STAG1: variants seen among roughly 807,000 people sequenced by gnomAD.
STAG1 encodes the protein STAG1 cohesin complex component, also known as cohesin subunit SA-1.
Under a neutral mutation model 170.9 loss-of-function variants are expected in STAG1, and 26 were observed. The ratio of observed to expected loss-of-function variants is 0.15; its 90% CI spans 0.11 to 0.21. The LOEUF is 0.21. Ranked by LOEUF, STAG1 falls within the 10% of genes least tolerant of loss-of-function variation. STAG1 has a pLI of 1.00. For missense variants in STAG1, 964 were observed against 1,509.5 expected (o/e 0.64, Z 5.99); for synonymous variants, 514 against 497.7 (o/e 1.03, Z -0.44).
chr3:136,464,928 C>T lies in STAG1; in HGVS notation c.1266G>A (p.Ser422=), dbSNP rs765164966. Residue 422 remains serine (S), a synonymous_variant, in exon 13 of 34, where the codon TCG becomes TCA. Transcript: ENST00000383202. The stretch of plus-strand genomic sequence containing the variant: ...CTGCCACAGCAACAGGGCGATGTGC[C>T]GAGTACACCAAGTGGTAAACATTTT... ...DCENVYHLVY[S]AHRPVAVAAG... The T allele has an allele frequency of 6.2e-6, 10 of 1,612,664 alleles. No homozygotes were observed. Among genetic ancestry groups the T allele is most frequent in the South Asian group, 1.1e-5 (1 of 90,568 alleles).
At chr3:136,577,936 G>C (rs1937513661) in intron 4 of STAG1, among the ~76,000 whole-genome samples, 1 of 152,174 alleles carries the variant, frequency 6.6e-6, no homozygotes, top group Non-Finnish European at 1.5e-5. Flanking sequence ...TGCACTGAAA[G>C]CTGGATTTAA....
At position 136,363,384 on chromosome 3, in the gene STAG1, G is replaced by C. The variant is rs760379296; in HGVS notation, c.2769C>G (p.Leu923=). 20 of 1,597,356 alleles carry C rather than the reference G, an allele frequency of 1.3e-5. No homozygotes were observed. The South Asian group carries it at 2.2e-4, about 18-fold the overall frequency. The change falls in exon 26 of 34, where the codon CTC becomes CTG. Residue 923 remains leucine (L), a synonymous_variant. Transcript: ENST00000383202. ...TTCTTACCTGTTGCAAACTGAGAAT[G>C]AGAGTCTTGGCACACTGAATTTTAT... The part of the protein sequence containing the change: ...QIDKIQCAKT[L]ILSLQQLFNE...
chr3:136,729,711 T>C (rs1244625631), intron 1 of STAG1, among the ~76,000 whole-genome samples: 1 of 151,144 alleles, frequency 6.6e-6, no homozygotes, highest in Non-Finnish European at 1.5e-5. Context: ...TAGCTGGGAT[T>C]ACAGGCATGT....
intron 6 of STAG1, among the ~76,000 whole-genome samples, chr3:136,522,370 T>G (rs1053874187): frequency 6.6e-6 from 1 of 152,162 alleles, no homozygotes; most frequent in East Asian, 1.9e-4. Flanking sequence ...TTAGTTAATG[T>G]TGGTGTTAGA....
intron 1 of STAG1, among the ~76,000 whole-genome samples, chr3:136,656,544 T>C (rs919166267): frequency 6.6e-6 from 1 of 151,584 alleles, no homozygotes; most frequent in Non-Finnish European, 1.5e-5. Flanking sequence ...TATGTTTGAC[T>C]TCAAATATAA....
rs113885795 is a variant in STAG1, at chr3:136,589,133, C to T, written c.297+15176G>A. On this transcript the variant is annotated intron_variant, in intron 4 of 33. Coordinates refer to ENST00000383202, the MANE Select transcript of STAG1 (RefSeq NM_005862.3). ...CTGGAACTCTTAACCTCAGGTGATC[C>T]GCCTGTCTTGGCCTCCCTAAGTGTT... Among the ~76,000 whole-genome samples, 1,169 of 152,144 alleles carry T rather than the reference C, an allele frequency of 7.7e-3. 13 individuals carry two copies. Among genetic ancestry groups the T allele is most frequent in the African/African-American group, 0.027 (1,114 of 41,540 alleles).
chr3:136,452,401 A>G (rs900722622), intron 13 of STAG1, among the ~76,000 whole-genome samples: 33 of 151,810 alleles, frequency 2.2e-4, no homozygotes, highest in Non-Finnish European at 2.9e-5. Context: ...CGTCTCTACT[A>G]AAAATACAAA....
At chr3:136,552,421 C>A (rs1936443992) in intron 5 of STAG1, among the ~76,000 whole-genome samples, 1 of 152,064 alleles carries the variant, frequency 6.6e-6, no homozygotes. Context: ...TATACAAATC[C>A]TTTCCCTCAA....
At chr3:136,418,887 C>T (rs1048596577) in intron 20 of STAG1, among the ~76,000 whole-genome samples, 8 of 152,048 alleles carry the variant, frequency 5.3e-5, no homozygotes, top group East Asian at 1.9e-4. Flanking sequence ...GAGATCCACC[C>T]GCCATGGTGT....
At chr3:136,648,465 C>T (rs1427191784) in intron 1 of STAG1, among the ~76,000 whole-genome samples, 1 of 152,204 alleles carries the variant, frequency 6.6e-6, no homozygotes, top group Non-Finnish European at 1.5e-5. Flanking sequence ...ACTACTGCTT[C>T]CTGTAAAAAT....
chr3:136,733,596 G>A (rs1373200021), intron 1 of STAG1, among the ~76,000 whole-genome samples: 2 of 152,158 alleles, frequency 1.3e-5, no homozygotes, highest in Non-Finnish European at 2.9e-5. Flanking sequence ...GTGTGATTCA[G>A]GCACCAGGAA....
rs763979656 is a variant in STAG1, at chr3:136,639,799, A to AAAT, written c.-83-8821_-83-8819dup. Among the ~76,000 whole-genome samples, 10 of 152,318 alleles carry AAAT rather than the reference A, an allele frequency of 6.6e-5. No individual in the cohort carries two copies. In the East Asian group the frequency reaches 1.7e-3, roughly 26 times the overall value. On this transcript the variant is annotated intron_variant, in intron 1 of 33. Coordinates refer to ENST00000383202, the MANE Select transcript of STAG1 (RefSeq NM_005862.3). The stretch of plus-strand genomic sequence containing the variant: ...AAGAAAAAATTACAACATTTAACAA[A>AAAT]AATACACATGGTGTTTTTAATATGG...
chr3:136,647,180 T>G (rs528863097), intron 1 of STAG1, among the ~76,000 whole-genome samples: 2 of 152,274 alleles, frequency 1.3e-5, no homozygotes, highest in African/African-American at 4.8e-5. Flanking sequence ...GAAAATGAGG[T>G]AATGGTGTTC....
At position 136,651,373 on chromosome 3, in the gene STAG1, A is replaced by AT. The variant is rs769696949; in HGVS notation, c.-83-20393dup. On this transcript the variant is annotated intron_variant, in intron 1 of 33. Coordinates refer to ENST00000383202, the MANE Select transcript of STAG1 (RefSeq NM_005862.3). Reference sequence around the variant, plus strand: ...AGAGCAAGACCCTATCTCACCAAAAATTTAAAAAAAAAAAAAAAAAAGAAT... The same window carrying AT: ...AGAGCAAGACCCTATCTCACCAAAAATTTTAAAAAAAAAAAAAAAAAAGAAT... Among the ~76,000 whole-genome samples the AT allele has an allele frequency of 4.0e-3, 504 of 125,918 alleles. 1 individual carries two copies. The highest frequency in any genetic ancestry group is 5.7e-3 in the African/African-American group (170 of 29,886). 82.6% of individuals were successfully genotyped at this position (125,918 alleles called of 152,430 possible). A position where few individuals can be genotyped will look rare whatever the true frequency, so the allele number is the denominator to read the frequency against.
At chr3:136,393,362 G>A (rs758196640) in intron 22 of STAG1, among the ~76,000 whole-genome samples, 5 of 151,936 alleles carry the variant, frequency 3.3e-5, no homozygotes, top group Non-Finnish European at 5.9e-5. Context: ...AAAATTAGCC[G>A]GACATGGTGG....
chr3:136,678,997 A>C (rs1479144141), intron 1 of STAG1, among the ~76,000 whole-genome samples: 1 of 82,724 alleles, frequency 1.2e-5, no homozygotes, highest in Non-Finnish European at 2.5e-5. Flanking sequence ...AATACTTCAC[A>C]AAAAAAAAAA....
chr3:136,386,333 T>C (rs1420753284), intron 22 of STAG1, among the ~76,000 whole-genome samples: 1 of 151,956 alleles, frequency 6.6e-6, no homozygotes, highest in Non-Finnish European at 1.5e-5. Flanking sequence ...AGTGAGACTC[T>C]GTCGCAAAAA....
rs371509045 is a variant in STAG1 at position 136,520,255 on chromosome 3, G to C, written c.676+958C>G. Among the ~76,000 whole-genome samples, 6 of 152,210 alleles carry C rather than the reference G, an allele frequency of 3.9e-5. No homozygotes were observed. In the East Asian group the frequency reaches 1.2e-3, roughly 29 times the overall value. On this transcript the variant is annotated intron_variant, in intron 7 of 33. Transcript: ENST00000383202. ...CCAGCCATCTGTTTGAACAAGCTCT[G>C]TAGGTGATTCTGGTGTGTGCTAAAG...
At chr3:136,526,692 G>A (rs1340780149) in intron 6 of STAG1, among the ~76,000 whole-genome samples, 3 of 152,112 alleles carry the variant, frequency 2.0e-5, no homozygotes, top group Non-Finnish European at 2.9e-5. Flanking sequence ...TAGCATCCAT[G>A]GTCTTTACAA....
Sources: gnomAD v4.1 joint callset for allele counts (sites outside exome capture counted in the v4.1 genomes callset) on GRCh38, gnomAD v4.1.1 for gene constraint, MANE v1.5 for transcripts, NCBI Gene and HGNC (gene_info 2026-07-23, HGNC 2026-07-21) for gene names.